The following DRC8 variants were observed in gnomAD, a reference collection of about 807,000 sequenced individuals.
DRC8 encodes dynein regulatory complex subunit 8, also known as dynein regulatory complex protein 8.
the DRC8 span, among the ~76,000 whole-genome samples, chr1:245,007,835 C>T: frequency 6.6e-6 from 1 of 152,026 alleles, no homozygotes; most frequent in East Asian, 1.9e-4. Flanking sequence ...TGGGTAATGA[C>T]TTTGGGGTAG....
chr1:244,970,322 C>G, the DRC8 span: 23 of 1,349,224 alleles, frequency 1.7e-5, 1 homozygote, highest in Non-Finnish European at 2.2e-5. Context: ...AGCGGCCCCT[C>G]CTCCAGGCCA....
chr1:245,017,450 T>C, the DRC8 span: 1 of 1,005,324 alleles, frequency 9.9e-7, no homozygotes, highest in East Asian at 2.8e-5. Flanking sequence ...AAGTATTTAT[T>C]TTCCATGCTC....
chr1:245,020,794 ATTT>A, the DRC8 span, among the ~76,000 whole-genome samples: 3 of 125,936 alleles, frequency 2.4e-5, no homozygotes, highest in Non-Finnish European at 3.4e-5. Context: ...TAATTTTCGT[ATTT>A]TTTTTTTTTT....
At chr1:244,974,193 A>G in the DRC8 span, among the ~76,000 whole-genome samples, 1 of 152,086 alleles carries the variant, frequency 6.6e-6, no homozygotes, top group South Asian at 2.1e-4. Flanking sequence ...TGGAGAGTCA[A>G]TGCAATTGTT....
At chr1:245,082,813 T>C in the DRC8 span, among the ~76,000 whole-genome samples, 1 of 152,166 alleles carries the variant, frequency 6.6e-6, no homozygotes, top group African/African-American at 2.4e-5. Context: ...CAAGCAATTC[T>C]CCTGCCTCAG....
the DRC8 span, among the ~76,000 whole-genome samples, chr1:245,024,094 C>T: frequency 3.3e-5 from 5 of 152,072 alleles, no homozygotes; most frequent in African/African-American, 7.2e-5. Flanking sequence ...CGTTTGAACC[C>T]GGGAGACGGT....
chr1:245,114,567 G>A, the DRC8 span, among the ~76,000 whole-genome samples: 1 of 152,152 alleles, frequency 6.6e-6, no homozygotes, highest in Non-Finnish European at 1.5e-5. Context: ...GCCAGCAGCC[G>A]GTTCCTGCCA....
chr1:245,089,906 G>A, the DRC8 span, among the ~76,000 whole-genome samples: 1 of 152,188 alleles, frequency 6.6e-6, no homozygotes, highest in Non-Finnish European at 1.5e-5. This position sits in a 1 kb window ranked among gnomAD's most constrained non-coding sequence, Gnocchi z 4.8. Context: ...CTACCTCATG[G>A]CCTCTGCTGC....
chr1:244,974,333 T>C, the DRC8 span, among the ~76,000 whole-genome samples: 1 of 152,248 alleles, frequency 6.6e-6, no homozygotes, highest in Non-Finnish European at 1.5e-5. Flanking sequence ...ATTTGAACTT[T>C]TGGCAGCCAG....
chr1:245,023,852 C>G, the DRC8 span, among the ~76,000 whole-genome samples: 4 of 151,952 alleles, frequency 2.6e-5, no homozygotes, highest in Non-Finnish European at 5.9e-5. Context: ...TTTTACTTAT[C>G]AATATATCTT....
At chr1:244,976,805 A>AT in the DRC8 span, among the ~76,000 whole-genome samples, 1 of 152,238 alleles carries the variant, frequency 6.6e-6, no homozygotes, top group South Asian at 2.1e-4. Flanking sequence ...ATCCACAGTA[A>AT]TTGAAAGCAA....
chr1:245,109,322 G>C, the DRC8 span, among the ~76,000 whole-genome samples: 1 of 152,134 alleles, frequency 6.6e-6, no homozygotes, highest in Non-Finnish European at 1.5e-5. Flanking sequence ...AAGGCTCAAA[G>C]GGCTAGAGAG....
the DRC8 span, among the ~76,000 whole-genome samples, chr1:245,076,789 C>T: frequency 3.8e-4 from 58 of 151,090 alleles, no homozygotes; most frequent in African/African-American, 1.1e-3. Context: ...TGTAGTGGTG[C>T]GATCTTGGTT....
At chr1:245,034,618 A>G in the DRC8 span, among the ~76,000 whole-genome samples, 3 of 149,568 alleles carry the variant, frequency 2.0e-5, no homozygotes, top group African/African-American at 4.9e-5. Flanking sequence ...AAAAAAAAAA[A>G]AAAAAAAAAG....
the DRC8 span, among the ~76,000 whole-genome samples, chr1:245,039,300 C>CAAAA: frequency 6.6e-4 from 18 of 27,472 alleles, 1 homozygote; most frequent in African/African-American, 1.1e-3. Flanking sequence ...CTTGTCTCTA[C>CAAAA]AAAAAAAAAA....
the DRC8 span, among the ~76,000 whole-genome samples, chr1:244,975,275 T>G: frequency 6.6e-6 from 1 of 152,132 alleles, no homozygotes; most frequent in South Asian, 2.1e-4. Flanking sequence ...CCTCCCAAAG[T>G]GCTGAGATTA....
At chr1:244,983,783 T>C in the DRC8 span, among the ~76,000 whole-genome samples, 2 of 151,306 alleles carry the variant, frequency 1.3e-5, no homozygotes, top group African/African-American at 4.8e-5. Flanking sequence ...CCGCAATTAC[T>C]TTTGCACCAA....
At chr1:245,122,323 C>T in the DRC8 span, 1 of 158,248 alleles carries the variant, frequency 6.3e-6, no homozygotes, top group Middle Eastern at 3.3e-3. Context: ...TGTGGTACAC[C>T]TTGAACGAAG....
the DRC8 span, among the ~76,000 whole-genome samples, chr1:245,031,683 T>A: frequency 6.6e-6 from 1 of 152,208 alleles, no homozygotes; most frequent in African/African-American, 2.4e-5. Flanking sequence ...CCTCACATAG[T>A]GGCATTATTG....
Sources: gnomAD v4.1 joint callset for allele counts (sites outside exome capture counted in the v4.1 genomes callset) on GRCh38, gnomAD v4.1.1 for gene constraint, Gnocchi (gnomAD v3.1) non-coding constraint, MANE v1.5 for transcripts, NCBI Gene and HGNC (gene_info 2026-07-23, HGNC 2026-07-21) for gene names.